CNTNAP5: variants seen among roughly 807,000 people sequenced by gnomAD.
CNTNAP5 encodes the protein contactin-associated protein-like 5.
A neutral mutation model predicts 150.2 loss-of-function variants in CNTNAP5; 72 were observed. The observed-to-expected ratio is 0.48, with a 90% CI of 0.40 to 0.58. The LOEUF (loss-of-function observed/expected upper bound fraction) is 0.58. Among genes scored for constraint, CNTNAP5 ranks in the 20% least tolerant of loss-of-function variants. The pLI is 0.00. For synonymous variants in CNTNAP5, 672 were observed against 619.8 expected (o/e 1.08, Z -1.25); for missense variants, 1,636 against 1,626.2 (o/e 1.01, Z -0.10).
intron 13 of CNTNAP5, among the ~76,000 whole-genome samples, chr2:124,737,937 T>C (rs746026906): frequency 6.6e-6 from 1 of 152,144 alleles, no homozygotes; most frequent in Non-Finnish European, 1.5e-5. Flanking sequence ...AGCATGAATC[T>C]GCTTGGAATA....
At chr2:124,109,259 T>G (rs1288301065) in intron 1 of CNTNAP5, among the ~76,000 whole-genome samples, 1 of 152,070 alleles carries the variant, frequency 6.6e-6, no homozygotes, top group African/African-American at 2.4e-5. Context: ...ACAGGTAGAT[T>G]TTAGGCTCCC....
At chr2:124,159,538 T>C (rs1684624753) in intron 1 of CNTNAP5, among the ~76,000 whole-genome samples, 1 of 152,230 alleles carries the variant, frequency 6.6e-6, no homozygotes, top group Non-Finnish European at 1.5e-5. Flanking sequence ...TTTGAACACT[T>C]TGTCCCAGTT....
At chr2:124,485,627 AAAAAAAAGAAG>A (rs1344741639) in intron 7 of CNTNAP5, among the ~76,000 whole-genome samples, 1 of 148,478 alleles carries the variant, frequency 6.7e-6, no homozygotes, top group Non-Finnish European at 1.5e-5. Context: ...AAAAAAAAAA[AAAAAAAAGAAG>A]AAGGTGCATT....
intron 1 of CNTNAP5, among the ~76,000 whole-genome samples, chr2:124,082,951 T>C (rs558088872): frequency 6.7e-6 from 1 of 148,506 alleles, no homozygotes; most frequent in African/African-American, 2.6e-5. Flanking sequence ...TTTGGTGAAA[T>C]TTCTCTTTAT....
intron 19 of CNTNAP5, among the ~76,000 whole-genome samples, chr2:124,836,380 A>G (rs1191957850): frequency 6.6e-6 from 1 of 152,160 alleles, no homozygotes; most frequent in Non-Finnish European, 1.5e-5. Flanking sequence ...CTAAAATGAA[A>G]TTGTTCCTGC....
intron 4 of CNTNAP5, among the ~76,000 whole-genome samples, chr2:124,424,846 G>A (rs1249373917): frequency 2.0e-5 from 3 of 152,278 alleles, no homozygotes; most frequent in East Asian, 3.9e-4. Flanking sequence ...TAAATATGGA[G>A]GTTTAGGAAA....
chr2:124,391,489 C>T (rs1379111503), intron 3 of CNTNAP5, among the ~76,000 whole-genome samples: 1 of 152,200 alleles, frequency 6.6e-6, no homozygotes, highest in African/African-American at 2.4e-5. Context: ...CTCTCCTCAT[C>T]GTCTTCTCTA....
rs773821006 is a variant in CNTNAP5 at position 124,914,135 on chromosome 2, C to T, written c.3771C>T (p.Gly1257=). 3 of 1,612,424 alleles carry T rather than the reference C, an allele frequency of 1.9e-6. No homozygotes were observed. The African/African-American group carries it at 4.0e-5, about 22-fold the overall frequency. ...VVIFIIFCII[G]IMTRFLYQHK... ...TATTCATCATCTTCTGTATCATCGG[C>T]ATCATGACCCGGTTCCTCTACCAGC... is the stretch of plus-strand genomic sequence containing the variant. The change falls in exon 24 of 24, where the codon GGC becomes GGT. Residue 1257 remains glycine, a synonymous_variant. Coordinates refer to ENST00000682447, the MANE Select transcript of CNTNAP5 (RefSeq NM_001367498.1).
intron 8 of CNTNAP5, among the ~76,000 whole-genome samples, chr2:124,504,914 G>T (rs543480914): frequency 9.6e-4 from 146 of 151,882 alleles, no homozygotes; most frequent in African/African-American, 3.5e-3. Flanking sequence ...CACCATGTTG[G>T]CCAGGATGGT....
chr2:124,537,695 A>T (rs746937117), intron 10 of CNTNAP5, among the ~76,000 whole-genome samples: 3 of 152,184 alleles, frequency 2.0e-5, no homozygotes, highest in Non-Finnish European at 4.4e-5. Flanking sequence ...CACCTGCTTG[A>T]ATCTCAGAAA....
chr2:124,877,399 G>T (rs1337589799), intron 21 of CNTNAP5, among the ~76,000 whole-genome samples: 2 of 152,220 alleles, frequency 1.3e-5, no homozygotes, highest in Middle Eastern at 3.4e-3. Flanking sequence ...GCTGGGAGGA[G>T]CTGTTAGTAA....
intron 1 of CNTNAP5, among the ~76,000 whole-genome samples, chr2:124,171,113 T>C (rs1684922712): frequency 6.6e-6 from 1 of 152,166 alleles, no homozygotes; most frequent in South Asian, 2.1e-4. Flanking sequence ...GAAAGAAGGT[T>C]ATTGCTTTTT....
chr2:124,719,661 C>A (rs1680012020), intron 13 of CNTNAP5, among the ~76,000 whole-genome samples: 1 of 152,146 alleles, frequency 6.6e-6, no homozygotes, highest in South Asian at 2.1e-4. Flanking sequence ...CTATTTTATA[C>A]TTTCTCTGTT....
At chr2:124,199,439 G>C (rs1383645608) in intron 1 of CNTNAP5, among the ~76,000 whole-genome samples, 2 of 118,364 alleles carry the variant, frequency 1.7e-5, no homozygotes, top group African/African-American at 6.5e-5. Flanking sequence ...TTTTGAGACG[G>C]AGTTTCACTC....
chr2:124,775,778 C>A (rs1202459771), intron 17 of CNTNAP5, among the ~76,000 whole-genome samples: 1 of 152,202 alleles, frequency 6.6e-6, no homozygotes, highest in Non-Finnish European at 1.5e-5. Context: ...AGACTCTTCA[C>A]AACATGCAGC....
At chr2:124,433,594 C>T (rs1692446950) in intron 4 of CNTNAP5, among the ~76,000 whole-genome samples, 2 of 151,930 alleles carry the variant, frequency 1.3e-5, no homozygotes, top group African/African-American at 4.8e-5. Flanking sequence ...CAATCCCACC[C>T]ACAGAACATG....
intron 21 of CNTNAP5, among the ~76,000 whole-genome samples, chr2:124,898,894 G>A (rs1271236412): frequency 6.6e-6 from 1 of 151,432 alleles, no homozygotes; most frequent in Non-Finnish European, 1.5e-5. Context: ...TCATTATGGC[G>A]ATATGTTAGT....
At chr2:124,262,901 T>C (rs1285383975) in intron 3 of CNTNAP5, among the ~76,000 whole-genome samples, 3 of 150,590 alleles carry the variant, frequency 2.0e-5, no homozygotes, top group Admixed American at 6.7e-5. Flanking sequence ...CATGTGGTGT[T>C]TGGTTTTTTG....
chr2:124,910,513 G>A (rs940953701), intron 22 of CNTNAP5, among the ~76,000 whole-genome samples: 1 of 151,950 alleles, frequency 6.6e-6, no homozygotes, highest in Admixed American at 6.6e-5. Context: ...TCATATGGGG[G>A]CTTGAGTTCT....
Sources: allele counts gnomAD v4.1 joint callset (sites outside exome capture counted in the v4.1 genomes callset), GRCh38; gene constraint gnomAD v4.1.1; transcripts MANE v1.5; gene names NCBI Gene and HGNC (gene_info 2026-07-23, HGNC 2026-07-21).